The following NIPSNAP3B variants were observed in gnomAD, a reference collection of about 807,000 sequenced individuals.
NIPSNAP3B encodes nipsnap homolog 3B, also known as protein NipSnap homolog 3B.
Under a neutral mutation model 31.5 loss-of-function variants are expected in NIPSNAP3B, and 30 were observed. The ratio of observed to expected loss-of-function variants is 0.95; its 90% CI spans 0.71 to 1.29. The LOEUF (loss-of-function observed/expected upper bound fraction) is 1.29, where lower values mean the gene tolerates loss of function less well. NIPSNAP3B is among the 50% of genes most tolerant of loss of function. The pLI is 0.00. For missense variants in NIPSNAP3B, 269 were observed against 300.7 expected (o/e 0.89, Z 0.78); for synonymous variants, 106 against 107.9 (o/e 0.98, Z 0.11).
intron 3 of NIPSNAP3B, among the ~76,000 whole-genome samples, chr9:104,770,084 T>A (rs1464676918): frequency 1.3e-5 from 2 of 152,194 alleles, no homozygotes; most frequent in Admixed American, 1.3e-4. Context: ...AAAACTCCCC[T>A]TAACTTTCAG....
the NIPSNAP3B span, chr9:104,786,380 A>C: frequency 6.2e-7 from 1 of 1,614,086 alleles, no homozygotes; most frequent in Admixed American, 1.7e-5. Flanking sequence ...AGAGCTTCAC[A>C]TTCTTCCATA....
the NIPSNAP3B span, among the ~76,000 whole-genome samples, chr9:104,789,311 T>C: frequency 1.6e-4 from 24 of 152,334 alleles, 1 homozygote; most frequent in South Asian, 5.0e-3. Context: ...GGGCTGGTTA[T>C]TACTGCCACT....
chr9:104,780,800 G>A (rs1202345160), downstream of NIPSNAP3B, among the ~76,000 whole-genome samples: 4 of 152,146 alleles, frequency 2.6e-5, no homozygotes. Flanking sequence ...CTTAATACCA[G>A]TTACTCAGTA....
chr9:104,780,154 T>A (rs1245989848), downstream of NIPSNAP3B, among the ~76,000 whole-genome samples: 2 of 152,256 alleles, frequency 1.3e-5, no homozygotes, highest in African/African-American at 4.8e-5. Flanking sequence ...AGAAACAGTG[T>A]TCTATGATTT....
In NIPSNAP3B at chr9:104,764,229, C is replaced by T; in HGVS notation, c.-12C>T. The T allele has an allele frequency of 6.3e-7, 1 of 1,599,900 alleles. No individual in the cohort carries two copies. Among genetic ancestry groups the T allele is most frequent in the Non-Finnish European group, 8.5e-7 (1 of 1,175,076 alleles). On this transcript the variant is annotated 5_prime_UTR_variant, in exon 1 of 6. Coordinates refer to ENST00000374762, the MANE Select transcript of NIPSNAP3B (RefSeq NM_018376.4). Reference sequence around the variant, plus strand: ...CTCGGCTGGCTGCTTTTCTCAGTGCCGAAGCCGCGCCATGCTCGTTCTCAG... The same window carrying T: ...CTCGGCTGGCTGCTTTTCTCAGTGCTGAAGCCGCGCCATGCTCGTTCTCAG...
At chr9:104,784,328 TC>T in the NIPSNAP3B span, 3 of 1,614,142 alleles carry the variant, frequency 1.9e-6, no homozygotes, top group Admixed American at 5.0e-5. Flanking sequence ...TACATAGCTT[TC>T]TTTCACTTTC....
At chr9:104,778,136 G>C (rs1472338633), downstream of NIPSNAP3B, among the ~76,000 whole-genome samples, 1 of 152,156 alleles carries the variant, frequency 6.6e-6, no homozygotes, top group Non-Finnish European at 1.5e-5. Flanking sequence ...TCTTCTAAAT[G>C]TTATAGGATC....
At position 104,775,955 on chromosome 9, in the gene NIPSNAP3B, C is replaced by A. The variant is rs1283618900; in HGVS notation, c.*2882C>A. Among the ~76,000 whole-genome samples the A allele has an allele frequency of 1.3e-5, 2 of 152,182 alleles. No individual in the cohort carries two copies. Among genetic ancestry groups the A allele is most frequent in the East Asian group, 3.9e-4 (2 of 5,194 alleles). ...ATCATCTGGATTTTTGGGAAGTGGT[C>A]TTAACTGGTGTGCTGCCCTTCCCCT... On this transcript the variant is annotated 3_prime_UTR_variant, in exon 6 of 6. Transcript: ENST00000374762.
intron 1 of NIPSNAP3B, among the ~76,000 whole-genome samples, chr9:104,765,298 G>A (rs1353278702): frequency 2.6e-5 from 4 of 152,190 alleles, no homozygotes; most frequent in South Asian, 2.1e-4. Flanking sequence ...AAACTGTTGC[G>A]ATAGATTATT....
the NIPSNAP3B span, among the ~76,000 whole-genome samples, chr9:104,786,050 G>C: frequency 6.6e-6 from 1 of 152,152 alleles, no homozygotes; most frequent in Non-Finnish European, 1.5e-5. Context: ...CACAAAGCTA[G>C]GAGGTAGATC....
At chr9:104,764,447 G>A (rs914454025) in intron 1 of NIPSNAP3B, 147 bp downstream of exon 1, 3 of 646,458 alleles carry the variant, frequency 4.6e-6, no homozygotes, top group Non-Finnish European at 5.0e-6. Context: ...CTCTGGAGCC[G>A]TCTGGCGCGC....
the NIPSNAP3B span, chr9:104,785,694 A>T: frequency 6.2e-7 from 1 of 1,608,124 alleles, no homozygotes; most frequent in African/African-American, 1.3e-5. Context: ...TATTTAAAAG[A>T]ATACTGAACC....
chr9:104,770,483 T>G (rs1828191794), intron 3 of NIPSNAP3B, among the ~76,000 whole-genome samples: 1 of 152,186 alleles, frequency 6.6e-6, no homozygotes, highest in Admixed American at 6.5e-5. Context: ...ATGCATTTCT[T>G]TTTTAAAAAG....
At chr9:104,772,626 G>A (rs1828248166) in intron 4 of NIPSNAP3B, among the ~76,000 whole-genome samples, 196 bp from the exon 5 acceptor site, 1 of 151,834 alleles carries the variant, frequency 6.6e-6, no homozygotes, top group Non-Finnish European at 1.5e-5. Context: ...TCTCTCTTCA[G>A]CCTTATGTTT....
rs1828321836 is a variant in NIPSNAP3B at position 104,775,715 on chromosome 9, C to G, written c.*2642C>G. Among the ~76,000 whole-genome samples the G allele has an allele frequency of 6.6e-6, 1 of 152,184 alleles. No individual in the cohort carries two copies. Among genetic ancestry groups the G allele is most frequent in the South Asian group, 2.1e-4 (1 of 4,830 alleles). ...AATGTCTATTAGAAATCTCACACCC[C>G]TCTTGTCCAAAACTGAGCTCTTGAT... On this transcript the variant is annotated 3_prime_UTR_variant, in exon 6 of 6. Transcript: ENST00000374762.
At chr9:104,767,854 CTA>C (rs1828121319) in intron 2 of NIPSNAP3B, among the ~76,000 whole-genome samples, 1 of 152,022 alleles carries the variant, frequency 6.6e-6, no homozygotes. Flanking sequence ...TTAGGAGGCC[CTA>C]AAAGTAAATA....
chr9:104,765,421 ATTTGCATGTAC>A (rs1828067921), intron 1 of NIPSNAP3B, among the ~76,000 whole-genome samples: 1 of 152,164 alleles, frequency 6.6e-6, no homozygotes, highest in South Asian at 2.1e-4. Flanking sequence ...TTACATAAAT[ATTTGCATGTAC>A]GTACATACAG....
rs376474295 is a variant in NIPSNAP3B at position 104,775,536 on chromosome 9, G to A, written c.*2463G>A. Among the ~76,000 whole-genome samples, 13 of 152,154 alleles carry A rather than the reference G, an allele frequency of 8.5e-5. No homozygotes were observed. The highest frequency in any genetic ancestry group is 6.8e-3 in the Middle Eastern group (2 of 294). On this transcript the variant is annotated 3_prime_UTR_variant, in exon 6 of 6. Transcript: ENST00000374762. ...TTTTCTATTTATACTTACTCCCTGC[G>A]TCATCACCCCCAGTCTTGTGGCTTC... is the stretch of plus-strand genomic sequence containing the variant.
In NIPSNAP3B at chr9:104,775,316, C is replaced by T. The variant is rs1262929524; in HGVS notation, c.*2243C>T. Among the ~76,000 whole-genome samples the T allele has an allele frequency of 6.6e-6, 1 of 152,114 alleles. No individual in the cohort carries two copies. The highest frequency in any genetic ancestry group is 1.9e-4 in the East Asian group (1 of 5,184). ...TTATCTCTTAAACATTCTCTGATCA[C>T]GCCAGCCAAATTGCTCTTGTCAACT... On this transcript the variant is annotated 3_prime_UTR_variant, in exon 6 of 6. Coordinates refer to ENST00000374762, the MANE Select transcript of NIPSNAP3B (RefSeq NM_018376.4).
Sources: allele counts gnomAD v4.1 joint callset (sites outside exome capture counted in the v4.1 genomes callset), GRCh38; gene constraint gnomAD v4.1.1; transcripts MANE v1.5; gene names NCBI Gene and HGNC (gene_info 2026-07-23, HGNC 2026-07-21).